Variants in GFOD2 observed in about 807,000 individuals in gnomAD.
The protein encoded by GFOD2 is glucose-fructose oxidoreductase domain-containing protein 2.
Under a neutral mutation model 24.6 loss-of-function variants are expected in GFOD2, and 9 were observed. The observed-to-expected ratio is 0.37, with a 90% CI of 0.22 to 0.64. The LOEUF is 0.64. Ranked by LOEUF, GFOD2 falls within the 30% of genes least tolerant of loss-of-function variation. GFOD2 has a pLI of 0.65. For synonymous variants in GFOD2, 211 were observed against 224.8 expected (o/e 0.94, Z 0.55); for missense variants, 476 against 532.5 (o/e 0.89, Z 1.04).
chr16:67,710,537 G>GT (rs1464531180), intron 1 of GFOD2, among the ~76,000 whole-genome samples: 1 of 151,966 alleles, frequency 6.6e-6, no homozygotes, highest in African/African-American at 2.4e-5. Flanking sequence ...CTAATTTTTT[G>GT]TTTTTTAGTA....
At chr16:67,697,407 A>T (rs1433672565) in intron 1 of GFOD2, among the ~76,000 whole-genome samples, 1 of 152,230 alleles carries the variant, frequency 6.6e-6, no homozygotes, top group East Asian at 1.9e-4. Context: ...CTTCTTCAAA[A>T]GTTGAGTAGA....
intron 1 of GFOD2, among the ~76,000 whole-genome samples, chr16:67,701,575 A>G (rs958751558): frequency 4.6e-5 from 7 of 152,218 alleles, no homozygotes; most frequent in African/African-American, 1.4e-4. Flanking sequence ...AGAGTAGATC[A>G]GTGGTTGTCA....
At chr16:67,683,136 C>CT in intron 2 of GFOD2, 2 of 911,042 alleles carry the variant, frequency 2.2e-6, no homozygotes, top group Non-Finnish European at 2.6e-6. Context: ...AATTTTTAAA[C>CT]TTTTTTGTAG....
intron 1 of GFOD2, among the ~76,000 whole-genome samples, chr16:67,717,812 A>G (rs2142998330): frequency 6.6e-6 from 1 of 152,286 alleles, no homozygotes; most frequent in East Asian, 1.9e-4. Flanking sequence ...AGATAGATAG[A>G]TAGAGAATTA....
intron 2 of GFOD2, chr16:67,677,176 G>A (rs2142992208): frequency 1.3e-5 from 2 of 152,108 alleles, no homozygotes; most frequent in South Asian, 4.2e-4. Context: ...CCACCCATAA[G>A]GTCTTGATAC....
chr16:67,682,638 G>A, intron 2 of GFOD2: 18 of 985,328 alleles, frequency 1.8e-5, no homozygotes, highest in Non-Finnish European at 2.2e-5. Flanking sequence ...GCTGTGATAT[G>A]AAAAGTATTA....
At chr16:67,695,691 A>G (rs917863882) in intron 1 of GFOD2, among the ~76,000 whole-genome samples, 1 of 151,770 alleles carries the variant, frequency 6.6e-6, no homozygotes, top group Non-Finnish European at 1.5e-5. Context: ...ATGCGCCACC[A>G]TACCTGGCTA....
At chr16:67,702,997 C>T (rs1433878784) in intron 1 of GFOD2, among the ~76,000 whole-genome samples, 2 of 152,176 alleles carry the variant, frequency 1.3e-5, no homozygotes, top group East Asian at 3.9e-4. Context: ...TTAGAGGTCA[C>T]TCACTCATTA....
intron 1 of GFOD2, among the ~76,000 whole-genome samples, chr16:67,706,952 G>A (rs1233407548): frequency 6.6e-6 from 1 of 151,698 alleles, no homozygotes; most frequent in Non-Finnish European, 1.5e-5. Flanking sequence ...CCAGCTACTC[G>A]GGAGGCTGAG....
rs745671733 is a variant in GFOD2, at chr16:67,675,377, CTGCACCATGTAGACCA to C, written c.920_935del (p.Met307ArgfsTer55). 1.2e-6 allele frequency: 2 copies of C among 1,613,510 alleles called. No individual in the cohort carries two copies. The highest frequency in any genetic ancestry group is 1.7e-6 in the Non-Finnish European group (2 of 1,180,000). On this transcript the variant is annotated frameshift_variant, in exon 3 of 3. Transcript: ENST00000268797. LOFTEE classifies it high-confidence loss of function. ...GCCCCTGGAAGGACTGGCGCAAGGC[CTGCACCATGTAGACCA>C]TGCCCTTCAGGTACAGCAGCGGGAC... is the stretch of plus-strand genomic sequence containing the variant.
At chr16:67,681,892 G>A in intron 2 of GFOD2, 1 of 985,336 alleles carries the variant, frequency 1.0e-6, no homozygotes, top group Non-Finnish European at 1.2e-6. Flanking sequence ...TGGAGAAGCT[G>A]AAATCTGCTG....
intron 1 of GFOD2, among the ~76,000 whole-genome samples, chr16:67,701,016 GAC>G (rs1176402382): frequency 7.0e-6 from 1 of 142,896 alleles, no homozygotes; most frequent in Non-Finnish European, 1.5e-5. Context: ...CAGCCTGGGT[GAC>G]AGAGTGAGAC....
At chr16:67,692,111 G>C (rs928331986) in intron 1 of GFOD2, among the ~76,000 whole-genome samples, 2 of 151,872 alleles carry the variant, frequency 1.3e-5, no homozygotes, top group Non-Finnish European at 2.9e-5. Context: ...GAGGTGCAGA[G>C]TTGGAGACAA....
intron 1 of GFOD2, among the ~76,000 whole-genome samples, chr16:67,695,117 T>C (rs551197401): frequency 6.7e-6 from 1 of 150,218 alleles, no homozygotes; most frequent in East Asian, 2.0e-4. Context: ...CCTCAGCTAC[T>C]ACCTCAGTAG....
chr16:67,710,466 G>C (rs372142405), intron 1 of GFOD2, among the ~76,000 whole-genome samples: 2 of 151,048 alleles, frequency 1.3e-5, no homozygotes, highest in Admixed American at 1.3e-4. Context: ...CCGGGTTCAC[G>C]CCATTCTCCT....
At chr16:67,719,088 G>A (rs572060892) in intron 1 of GFOD2, 75 bp downstream of exon 1, 1 of 152,388 alleles carries the variant, frequency 6.6e-6, no homozygotes, top group East Asian at 1.9e-4. Flanking sequence ...CCGCGGAGAA[G>A]GCCCTGTCGG....
At chr16:67,676,220 T>C (rs2053184361) in intron 2 of GFOD2, 167 bp from the exon 3 acceptor site, 2 of 655,130 alleles carry the variant, frequency 3.1e-6, no homozygotes, top group African/African-American at 3.6e-5. Flanking sequence ...CTAGTCTCAA[T>C]CTCCTGGCCT....
At chr16:67,686,198 C>T (rs2142993885) in intron 1 of GFOD2, among the ~76,000 whole-genome samples, 1 of 152,244 alleles carries the variant, frequency 6.6e-6, no homozygotes, top group South Asian at 2.1e-4. Flanking sequence ...GTGAAAGGAT[C>T]ACATGAACCT....
intron 1 of GFOD2, among the ~76,000 whole-genome samples, chr16:67,702,884 C>T (rs890468797): frequency 4.6e-5 from 7 of 151,976 alleles, no homozygotes; most frequent in Non-Finnish European, 8.8e-5. Flanking sequence ...AGGAGTAAGA[C>T]ACTGCGCCCG....
Sources: gnomAD v4.1 joint callset for allele counts (sites outside exome capture counted in the v4.1 genomes callset) on GRCh38, gnomAD v4.1.1 for gene constraint, MANE v1.5 for transcripts, NCBI Gene and HGNC (gene_info 2026-07-23, HGNC 2026-07-21) for gene names.